The following CNTN5 variants were observed in gnomAD, a reference collection of about 807,000 sequenced individuals.
The protein encoded by CNTN5 is contactin-5.
A neutral mutation model predicts 129.1 loss-of-function variants in CNTN5; 77 were observed. The ratio of observed to expected loss-of-function variants is 0.60; its 90% confidence interval spans 0.50 to 0.72. The LOEUF (loss-of-function observed/expected upper bound fraction) is 0.72. Among genes scored for constraint, CNTN5 ranks in the 30% least tolerant of loss-of-function variants. The pLI is 0.00. For synonymous variants in CNTN5, 509 were observed against 465.6 expected (o/e 1.09, Z -1.20); for missense variants, 1,478 against 1,328.8 (o/e 1.11, Z -1.75).
intron 2 of CNTN5, among the ~76,000 whole-genome samples, chr11:99,552,704 G>A (rs1948533373): frequency 6.6e-6 from 1 of 152,124 alleles, no homozygotes; most frequent in Non-Finnish European, 1.5e-5. Context: ...AGTCTAAAAA[G>A]TTAGAAGATG....
At chr11:100,023,465 G>A (rs1025557249) in intron 9 of CNTN5, among the ~76,000 whole-genome samples, 2 of 152,134 alleles carry the variant, frequency 1.3e-5, no homozygotes, top group African/African-American at 4.8e-5. Flanking sequence ...CATCTACCAG[G>A]ATGGTACATT....
At chr11:100,187,884 T>C (rs1224506953) in intron 13 of CNTN5, among the ~76,000 whole-genome samples, 2 of 152,170 alleles carry the variant, frequency 1.3e-5, no homozygotes, top group African/African-American at 4.8e-5. Flanking sequence ...CCTTGGGACA[T>C]TTGTGACTAA....
chr11:99,029,942 T>G (rs1591069012), intron 1 of CNTN5, among the ~76,000 whole-genome samples: 1 of 152,102 alleles, frequency 6.6e-6, no homozygotes, highest in East Asian at 1.9e-4. Context: ...CTGTGTGAGT[T>G]AGGAGGTTTT....
At chr11:99,201,201 T>C (rs1281630425) in intron 1 of CNTN5, among the ~76,000 whole-genome samples, 1 of 151,630 alleles carries the variant, frequency 6.6e-6, no homozygotes, top group East Asian at 1.9e-4. Context: ...ACTTTTTATA[T>C]TTTTAGTAGA....
chr11:99,347,184 C>T (rs547359812), intron 2 of CNTN5, among the ~76,000 whole-genome samples: 1 of 152,248 alleles, frequency 6.6e-6, no homozygotes, highest in South Asian at 2.1e-4. Flanking sequence ...AATCACAATC[C>T]TGGTTATTCT....
intron 2 of CNTN5, among the ~76,000 whole-genome samples, chr11:99,344,936 C>T (rs1348656744): frequency 6.6e-6 from 1 of 152,196 alleles, no homozygotes; most frequent in African/African-American, 2.4e-5. Context: ...TTCTGGACCT[C>T]TTATTGGGTA....
chr11:99,853,405 A>T (rs1947936591), intron 6 of CNTN5, among the ~76,000 whole-genome samples: 1 of 140,118 alleles, frequency 7.1e-6, no homozygotes, highest in Non-Finnish European at 1.6e-5. Flanking sequence ...ATTTGTATAT[A>T]TATATTTTTT....
Position 99,768,444 on chromosome 11 carries a change from A to G in CNTN5, c.56-51100A>G, listed in dbSNP as rs555155492. Reference sequence around the variant, plus strand: ...AGTAATATTGTCTCATAGACAGTCCATATTCAGATGTCTTCAGTTGCCTGA... The same window carrying G: ...AGTAATATTGTCTCATAGACAGTCCGTATTCAGATGTCTTCAGTTGCCTGA... On this transcript the variant is annotated intron_variant, in intron 3 of 24. Transcript: ENST00000524871. Among the ~76,000 whole-genome samples, 7 of 152,256 alleles carry G rather than the reference A, an allele frequency of 4.6e-5. No homozygotes were observed. The South Asian group carries it at 1.2e-3, about 27-fold the overall frequency.
At chr11:99,320,083 T>C (rs1865505357) in intron 1 of CNTN5, among the ~76,000 whole-genome samples, 1 of 151,778 alleles carries the variant, frequency 6.6e-6, no homozygotes, top group Non-Finnish European at 1.5e-5. Context: ...CTACTGAAAA[T>C]ACAAAAATTA....
At chr11:99,329,607 A>T (rs1456689165) in intron 2 of CNTN5, among the ~76,000 whole-genome samples, 1 of 152,156 alleles carries the variant, frequency 6.6e-6, no homozygotes, top group Non-Finnish European at 1.5e-5. Flanking sequence ...TAAGCTTAGT[A>T]TACAGAGTGA....
In CNTN5 at chr11:100,049,868, GA is replaced by G. The variant is rs1215727687; in HGVS notation, c.981-11338del. Among the ~76,000 whole-genome samples the G allele has an allele frequency of 1.1e-4, 17 of 152,184 alleles. 1 individual carries two copies. Among genetic ancestry groups the G allele is most frequent in the Non-Finnish European group, 1.5e-5 (1 of 67,992 alleles). ...ACATTTATGCAGCCAAAAAACACAT[GA>G]AAAAATGCTCACCATCACTGGCCGT... On this transcript the variant is annotated intron_variant, in intron 9 of 24. Transcript: ENST00000524871.
intron 2 of CNTN5, among the ~76,000 whole-genome samples, chr11:99,360,093 G>A (rs1310075537): frequency 3.9e-5 from 6 of 152,010 alleles, no homozygotes; most frequent in Non-Finnish European, 1.5e-5. Context: ...AACCTACAGG[G>A]CAAACAACAT....
intron 2 of CNTN5, among the ~76,000 whole-genome samples, chr11:99,469,174 A>G (rs191409934): frequency 2.0e-5 from 3 of 152,290 alleles, no homozygotes; most frequent in East Asian, 1.9e-4. Context: ...GACCATATTT[A>G]AAATCTTAGT....
At chr11:99,381,364 T>G (rs1263769542) in intron 2 of CNTN5, among the ~76,000 whole-genome samples, 1 of 152,182 alleles carries the variant, frequency 6.6e-6, no homozygotes, top group Non-Finnish European at 1.5e-5. Flanking sequence ...GATGATTTAT[T>G]CAGATTTTTT....
At position 99,956,869 on chromosome 11, in the gene CNTN5, T is replaced by A; in HGVS notation, c.737T>A (p.Phe246Tyr). The stretch of plus-strand genomic sequence containing the variant: ...TTTGTGGCGGAAGACAGCCGGCGGT[T>A]CATCTCCCAGGAGACAGGCAACCTT... ...PSFVAEDSRRFISQETGNLYI... is the reference protein window; with the variant it reads ...PSFVAEDSRRYISQETGNLYI... The change falls in exon 8 of 25, where the codon TTC (phenylalanine) becomes TAC (tyrosine). Residue 246 changes from phenylalanine (F) to tyrosine (Y), a missense_variant. Transcript: ENST00000524871. 1 of 1,605,910 alleles carries A rather than the reference T, an allele frequency of 6.2e-7. No individual in the cohort carries two copies. The highest frequency in any genetic ancestry group is 8.5e-7 in the Non-Finnish European group (1 of 1,172,788).
intron 18 of CNTN5, among the ~76,000 whole-genome samples, chr11:100,285,949 G>C (rs960400746): frequency 6.6e-6 from 1 of 152,330 alleles, no homozygotes; most frequent in African/African-American, 2.4e-5. Flanking sequence ...CTTGGGAAGC[G>C]CAAGGGGTCA....
intron 3 of CNTN5, among the ~76,000 whole-genome samples, chr11:99,646,176 G>A (rs990102616): frequency 5.3e-5 from 8 of 152,028 alleles, no homozygotes; most frequent in African/African-American, 1.5e-4. Flanking sequence ...TTATTTTGTC[G>A]GGCAGCTCAT....
At chr11:99,976,892 T>C (rs953971114) in intron 8 of CNTN5, among the ~76,000 whole-genome samples, 2 of 152,132 alleles carry the variant, frequency 1.3e-5, no homozygotes, top group Non-Finnish European at 2.9e-5. Flanking sequence ...AGAAAATGGG[T>C]TTTTCTTTTT....
intron 3 of CNTN5, among the ~76,000 whole-genome samples, chr11:99,556,999 T>C (rs1948695484): frequency 6.6e-6 from 1 of 151,298 alleles, no homozygotes; most frequent in South Asian, 2.1e-4. Flanking sequence ...TTAAGCGCTA[T>C]GCATGTAACA....
Sources: gnomAD v4.1 joint callset for allele counts (sites outside exome capture counted in the v4.1 genomes callset) on GRCh38, gnomAD v4.1.1 for gene constraint, MANE v1.5 for transcripts, NCBI Gene and HGNC (gene_info 2026-07-23, HGNC 2026-07-21) for gene names.